Variants in CSMD3 observed in about 807,000 individuals in gnomAD.
The protein encoded by CSMD3 is CUB and sushi domain-containing protein 3.
A neutral mutation model predicts 435.2 loss-of-function variants in CSMD3; 177 were observed. The observed-to-expected ratio is 0.41, with a 90% confidence interval of 0.36 to 0.46. The LOEUF is 0.46. CSMD3 is among the 20% of genes least tolerant of loss of function. The probability of loss-of-function intolerance (pLI) is 0.34; values close to 1 mark genes in which losing one functional copy is unlikely to be tolerated. For synonymous variants in CSMD3, 1,656 were observed against 1,520.5 expected (o/e 1.09, Z -2.07); for missense variants, 4,265 against 4,504.6 (o/e 0.95, Z 1.52).
chr8:112,385,095 T>C (rs989460298), intron 36 of CSMD3, among the ~76,000 whole-genome samples: 6 of 152,050 alleles, frequency 3.9e-5, no homozygotes, highest in Non-Finnish European at 7.3e-5. Flanking sequence ...TAAGAATAAA[T>C]ATACATGAAA....
intron 27 of CSMD3, among the ~76,000 whole-genome samples, chr8:112,543,465 C>T (rs1443351301): frequency 6.6e-6 from 1 of 151,836 alleles, no homozygotes; most frequent in African/African-American, 2.4e-5. Flanking sequence ...TACAAATGGA[C>T]AACAGGTATA....
chr8:113,377,648 A>G (rs985376864), intron 1 of CSMD3, among the ~76,000 whole-genome samples: 2 of 152,194 alleles, frequency 1.3e-5, no homozygotes, highest in African/African-American at 2.4e-5. Context: ...TTTACAAACA[A>G]TAGAAACTCT....
chr8:113,329,784 T>A (rs1332080559), intron 1 of CSMD3, among the ~76,000 whole-genome samples: 1 of 152,056 alleles, frequency 6.6e-6, no homozygotes, highest in Non-Finnish European at 1.5e-5. Context: ...CCAAAAGTTG[T>A]AGAATTACAT....
intron 8 of CSMD3, among the ~76,000 whole-genome samples, chr8:112,948,388 G>A (rs543177730): frequency 6.6e-6 from 1 of 152,020 alleles, no homozygotes; most frequent in Admixed American, 6.6e-5. Flanking sequence ...ATACAGCAGT[G>A]GTGCAAATTA....
rs373595593 is a variant in CSMD3, at chr8:112,682,395, T to C, written c.2677+47A>G. ...ATGTGTTTCTTGTTGTGGTTTCTTG[T>C]ACATAATGATGATGAGGTTCTATTT... On this transcript the variant is annotated intron_variant, in intron 16 of 70. Coordinates refer to ENST00000297405, the MANE Select transcript of CSMD3 (RefSeq NM_198123.2). 37 of 1,372,968 alleles carry C rather than the reference T, an allele frequency of 2.7e-5. No homozygotes were observed. In the Middle Eastern group the frequency reaches 1.3e-3, roughly 47 times the overall value. The allele number at this position is 1,372,968 out of a possible 1,614,324, so 85.0% of individuals were successfully genotyped here. A position where few individuals can be genotyped will look rare whatever the true frequency, so the allele number is the denominator to read the frequency against.
chr8:112,892,265 A>G (rs2081815447), intron 10 of CSMD3, among the ~76,000 whole-genome samples: 1 of 151,584 alleles, frequency 6.6e-6, no homozygotes, highest in South Asian at 2.1e-4. Context: ...ATTAACACAT[A>G]TAAAAAATTG....
At position 113,380,248 on chromosome 8, in the gene CSMD3, G is replaced by GTTTATCTTATAACATTCTAA. The variant is rs534576892; in HGVS notation, c.178+56409_178+56428dup. Among the ~76,000 whole-genome samples the GTTTATCTTATAACATTCTAA allele has an allele frequency of 4.5e-3, 682 of 151,996 alleles. 27 individuals are homozygous for GTTTATCTTATAACATTCTAA. The East Asian group carries it at 0.091, about 20-fold the overall frequency. ...TTTGTTGAAAATTTTGCTTTCACAG[G>GTTTATCTTATAACATTCTAA]TTTATCTTATAACATTCTAATTTAA... On this transcript the variant is annotated intron_variant, in intron 1 of 70. Coordinates refer to ENST00000297405, the MANE Select transcript of CSMD3 (RefSeq NM_198123.2).
At chr8:113,150,797 G>T (rs953344127) in intron 4 of CSMD3, among the ~76,000 whole-genome samples, 1 of 151,890 alleles carries the variant, frequency 6.6e-6, no homozygotes, top group Non-Finnish European at 1.5e-5. Flanking sequence ...GGATTGAACA[G>T]ATCAGGCCAT....
chr8:112,881,697 T>C (rs929807201), intron 10 of CSMD3, among the ~76,000 whole-genome samples: 2 of 151,972 alleles, frequency 1.3e-5, no homozygotes, highest in Admixed American at 6.6e-5. Context: ...ATAATGAGGT[T>C]TCATTAGAAA....
At chr8:112,299,967 T>C (rs1305011567) in intron 53 of CSMD3, among the ~76,000 whole-genome samples, 3 of 151,322 alleles carry the variant, frequency 2.0e-5, no homozygotes, top group South Asian at 4.1e-4. Context: ...AACCACATAC[T>C]ATATACAATA....
intron 1 of CSMD3, among the ~76,000 whole-genome samples, chr8:113,405,499 T>C (rs1445156523): frequency 1.3e-5 from 2 of 151,672 alleles, no homozygotes; most frequent in African/African-American, 4.8e-5. Context: ...GGTGATTCTA[T>C]AGAAGTGTTT....
intron 13 of CSMD3, among the ~76,000 whole-genome samples, chr8:112,703,649 GA>G (rs1306507816): frequency 6.6e-6 from 1 of 152,096 alleles, no homozygotes; most frequent in Non-Finnish European, 1.5e-5. Context: ...TAGGTTAAAA[GA>G]GAGTGATCTG....
chr8:112,522,335 C>T (rs1045420154), intron 27 of CSMD3, among the ~76,000 whole-genome samples: 11 of 151,936 alleles, frequency 7.2e-5, no homozygotes, highest in African/African-American at 2.2e-4. Flanking sequence ...TCTTTGAATT[C>T]ATTGTAAAAG....
At chr8:112,404,225 A>G (rs916776965) in intron 35 of CSMD3, among the ~76,000 whole-genome samples, 1 of 152,172 alleles carries the variant, frequency 6.6e-6, no homozygotes, top group Non-Finnish European at 1.5e-5. Flanking sequence ...AAGCAAATAT[A>G]TTCTATAAAA....
intron 1 of CSMD3, among the ~76,000 whole-genome samples, chr8:113,370,815 T>C (rs2094342302): frequency 6.6e-6 from 1 of 152,020 alleles, no homozygotes; most frequent in Admixed American, 6.5e-5. Flanking sequence ...CTCCATAAAG[T>C]TTATATTTTG....
At chr8:112,359,799 T>A (rs1381234518) in intron 38 of CSMD3, among the ~76,000 whole-genome samples, 5 of 152,092 alleles carry the variant, frequency 3.3e-5, no homozygotes, top group African/African-American at 9.7e-5. Flanking sequence ...GTGCCTTAAT[T>A]AGTTAGGTCT....
chr8:112,919,036 G>A (rs141133726), intron 10 of CSMD3, among the ~76,000 whole-genome samples: 24 of 151,756 alleles, frequency 1.6e-4, no homozygotes, highest in African/African-American at 2.2e-4. Flanking sequence ...CACTACCACC[G>A]CCAGTAATTT....
chr8:113,267,407 T>G (rs1164324910), intron 3 of CSMD3, among the ~76,000 whole-genome samples: 1 of 151,198 alleles, frequency 6.6e-6, no homozygotes, highest in Admixed American at 6.6e-5. Context: ...GAATACTATT[T>G]GACCATAAAA....
chr8:112,716,908 C>A (rs926680841), intron 13 of CSMD3, among the ~76,000 whole-genome samples: 1 of 152,074 alleles, frequency 6.6e-6, no homozygotes, highest in Non-Finnish European at 1.5e-5. Flanking sequence ...TTCCTTACAC[C>A]TCATACAAAA....
Sources: gnomAD v4.1 joint callset for allele counts (sites outside exome capture counted in the v4.1 genomes callset) on GRCh38, gnomAD v4.1.1 for gene constraint, MANE v1.5 for transcripts, NCBI Gene and HGNC (gene_info 2026-07-23, HGNC 2026-07-21) for gene names.